Variants in C14orf132 observed in about 807,000 individuals in gnomAD.
C14orf132 encodes the protein uncharacterized protein C14orf132.
A neutral mutation model predicts 5.8 loss-of-function variants in C14orf132; 6 were observed. That is an observed-to-expected ratio of 1.03 (90% CI 0.57 to 2.04). C14orf132 has a LOEUF of 2.04. Among genes scored for constraint, C14orf132 ranks in the 30% most tolerant of loss-of-function variants. The pLI is 0.00. For synonymous variants in C14orf132, 51 were observed against 49.8 expected (o/e 1.02, Z -0.10); for missense variants, 125 against 115.8 (o/e 1.08, Z -0.37).
intron 1 of C14orf132, among the ~76,000 whole-genome samples, chr14:96,051,421 T>C (rs1887022012): frequency 6.6e-6 from 1 of 152,204 alleles, no homozygotes; most frequent in East Asian, 1.9e-4. Flanking sequence ...CGGGAGCAGG[T>C]TGCTCCAGCC....
chr14:96,072,866 T>C (rs1887752641), intron 1 of C14orf132, among the ~76,000 whole-genome samples: 1 of 152,236 alleles, frequency 6.6e-6, no homozygotes, highest in Non-Finnish European at 1.5e-5. Flanking sequence ...TGTAGACAGT[T>C]TGCCCATTTA....
At chr14:96,052,552 C>T (rs1887061503) in intron 1 of C14orf132, among the ~76,000 whole-genome samples, 1 of 152,220 alleles carries the variant, frequency 6.6e-6, no homozygotes. Flanking sequence ...TTTCATAAAC[C>T]AATCAAGGAA....
At position 96,089,988 on chromosome 14, in the gene C14orf132, G is replaced by A. The variant is rs974623616; in HGVS notation, c.*3253G>A. The A allele has an allele frequency of 6.6e-6, 1 of 152,574 alleles. No homozygotes were observed. Among genetic ancestry groups the A allele is most frequent in the African/African-American group, 2.4e-5 (1 of 41,416 alleles). 9.5% of individuals were successfully genotyped at this position (152,574 alleles called of 1,614,324 possible). On this transcript the variant is annotated 3_prime_UTR_variant, in exon 2 of 2. Coordinates refer to ENST00000555004, the MANE Select transcript of C14orf132 (RefSeq NM_001252507.3). The stretch of plus-strand genomic sequence containing the variant: ...TCTGTACTGGCTTCTCCCTGGGTGG[G>A]GTTGCCTGTTACATAGCTGTGCCTC...
rs967287142 is a variant in C14orf132 at position 96,088,830 on chromosome 14, A to G, written c.*2095A>G. The G allele has an allele frequency of 3.3e-5, 5 of 152,290 alleles. No individual in the cohort carries two copies. The highest frequency in any genetic ancestry group is 4.4e-5 in the Non-Finnish European group (3 of 68,094). 9.4% of individuals were successfully genotyped at this position (152,290 alleles called of 1,614,324 possible). On this transcript the variant is annotated 3_prime_UTR_variant, in exon 2 of 2. Transcript: ENST00000555004. The stretch of plus-strand genomic sequence containing the variant: ...TGCGGTGAAGGGAGGAGAAGGCAGG[A>G]GGAAAAAGGATGGCTTCTAGCCCTG...
chr14:96,074,547 A>AT (rs1887804076), intron 1 of C14orf132, among the ~76,000 whole-genome samples: 2 of 64,496 alleles, frequency 3.1e-5, no homozygotes, highest in Non-Finnish European at 3.4e-5. Flanking sequence ...ATAAGGCATG[A>AT]GTTTTTTTTT....
chr14:96,093,493 T>A lies in C14orf132; in HGVS notation c.*6758T>A, dbSNP rs954932523. The A allele has an allele frequency of 1.3e-5, 2 of 152,228 alleles. No individual in the cohort carries two copies. Among genetic ancestry groups the A allele is most frequent in the Non-Finnish European group, 2.9e-5 (2 of 68,034 alleles). The allele number at this position is 152,228 out of a possible 1,614,324, so 9.4% of individuals were successfully genotyped here. ...TTTCTGCCAGTTGAAGGCATACTAA[T>A]ATTCTTTATACTATTTAATCTTTTG... is the stretch of plus-strand genomic sequence containing the variant. On this transcript the variant is annotated 3_prime_UTR_variant, in exon 2 of 2. Coordinates refer to ENST00000555004, the MANE Select transcript of C14orf132 (RefSeq NM_001252507.3).
intron 1 of C14orf132, among the ~76,000 whole-genome samples, chr14:96,058,006 G>A (rs1887231545): frequency 6.6e-6 from 1 of 152,202 alleles, no homozygotes; most frequent in Non-Finnish European, 1.5e-5. Context: ...GCTCTCCGTT[G>A]AACGTGTTAC....
At position 96,088,093 on chromosome 14, in the gene C14orf132, A is replaced by G. The variant is rs546863741; in HGVS notation, c.*1358A>G. The G allele has an allele frequency of 1.3e-5, 2 of 152,310 alleles. No individual in the cohort carries two copies. The highest frequency in any genetic ancestry group is 3.9e-4 in the East Asian group (2 of 5,174). 9.4% of individuals were successfully genotyped at this position (152,310 alleles called of 1,614,324 possible). A position where few individuals can be genotyped will look rare whatever the true frequency, so the allele number is the denominator to read the frequency against. ...CTGCAAAAACAGAAGAATTGTGTCA[A>G]TAACACCCTCTGTAGTGGAGAAACT... On this transcript the variant is annotated 3_prime_UTR_variant, in exon 2 of 2. Transcript: ENST00000555004.
intron 1 of C14orf132, among the ~76,000 whole-genome samples, chr14:96,069,256 CATATAT>C (rs55648129): frequency 0.013 from 1,269 of 94,048 alleles, 6 homozygotes; most frequent in Middle Eastern, 0.025. Context: ...TGTTTATGTT[CATATAT>C]ATATATATAT....
At position 96,091,283 on chromosome 14, in the gene C14orf132, A is replaced by C. The variant is rs145687891; in HGVS notation, c.*4548A>C. On this transcript the variant is annotated 3_prime_UTR_variant, in exon 2 of 2. Transcript: ENST00000555004. ...AGCTTATAGCCAGATTGCCACATTC[A>C]AGTGTAAGTCCAGGAAAGGGGCAGG... The C allele has an allele frequency of 9.9e-4, 343 of 345,146 alleles. No individual in the cohort carries two copies. The highest frequency in any genetic ancestry group is 5.8e-3 in the African/African-American group (269 of 46,744). 21.4% of individuals were successfully genotyped at this position (345,146 alleles called of 1,614,324 possible). A position where few individuals can be genotyped will look rare whatever the true frequency, so the allele number is the denominator to read the frequency against.
At chr14:96,040,545 G>T (rs901541200) in intron 1 of C14orf132, among the ~76,000 whole-genome samples, 4 of 152,168 alleles carry the variant, frequency 2.6e-5, no homozygotes, top group Non-Finnish European at 5.9e-5. Flanking sequence ...GGGGACACTT[G>T]CTTTTTCCCC....
At chr14:96,079,894 CA>C (rs1243390841) in intron 1 of C14orf132, among the ~76,000 whole-genome samples, 2 of 151,966 alleles carry the variant, frequency 1.3e-5, no homozygotes, top group East Asian at 3.8e-4. Context: ...TCAGATGTAG[CA>C]AATAAAAGAT....
chr14:96,066,431 G>A (rs1409539843), intron 1 of C14orf132, among the ~76,000 whole-genome samples: 1 of 152,118 alleles, frequency 6.6e-6, no homozygotes, highest in Non-Finnish European at 1.5e-5. Flanking sequence ...ATTCTGAAAT[G>A]CTCTCAGGCT....
At chr14:96,048,948 G>T (rs1209832058) in intron 1 of C14orf132, among the ~76,000 whole-genome samples, 2 of 152,294 alleles carry the variant, frequency 1.3e-5, no homozygotes, top group African/African-American at 4.8e-5. Flanking sequence ...TTTTTGAGAT[G>T]GAGTCTCGCT....
In C14orf132 at chr14:96,047,701, C is replaced by T. The variant is rs187315555; in HGVS notation, c.27+8174C>T. On this transcript the variant is annotated intron_variant, in intron 1 of 1. Coordinates refer to ENST00000555004, the MANE Select transcript of C14orf132 (RefSeq NM_001252507.3). ...GCTGGGGATCAAACACAGGTCTCTGCATCACGTCAGCCTATTATTTTTAAG... is the reference window on the plus strand; with the variant it reads ...GCTGGGGATCAAACACAGGTCTCTGTATCACGTCAGCCTATTATTTTTAAG... Among the ~76,000 whole-genome samples the T allele has an allele frequency of 4.0e-4, 61 of 152,318 alleles. 1 individual carries two copies. The highest frequency in any genetic ancestry group is 1.4e-3 in the African/African-American group (58 of 41,562).
chr14:96,053,880 C>A (rs1458811941), intron 1 of C14orf132, among the ~76,000 whole-genome samples: 1 of 152,186 alleles, frequency 6.6e-6, no homozygotes, highest in Non-Finnish European at 1.5e-5. Context: ...CCATAGCCCC[C>A]AGCAGAACAC....
intron 1 of C14orf132, among the ~76,000 whole-genome samples, chr14:96,056,091 C>A (rs959543689): frequency 6.6e-6 from 1 of 152,214 alleles, no homozygotes; most frequent in Non-Finnish European, 1.5e-5. Context: ...TCAGTAAAGA[C>A]TTTATGATGC....
intron 1 of C14orf132, among the ~76,000 whole-genome samples, chr14:96,069,874 G>A (rs1053278901): frequency 2.6e-5 from 4 of 152,212 alleles, no homozygotes; most frequent in Admixed American, 6.5e-5. Context: ...CAGCCTGGAA[G>A]TTTATTTTGA....
intron 1 of C14orf132, among the ~76,000 whole-genome samples, chr14:96,049,077 A>G (rs1173566295): frequency 6.6e-6 from 1 of 151,948 alleles, no homozygotes; most frequent in Non-Finnish European, 1.5e-5. Context: ...GGTGCCCACC[A>G]CTGTATCCAG....
Sources: gnomAD v4.1 joint callset for allele counts (sites outside exome capture counted in the v4.1 genomes callset) on GRCh38, gnomAD v4.1.1 for gene constraint, MANE v1.5 for transcripts, NCBI Gene and HGNC (gene_info 2026-07-23, HGNC 2026-07-21) for gene names.